TSC1: variants seen among roughly 807,000 people sequenced by gnomAD.
TSC1 encodes the protein TSC complex subunit 1.
Under a neutral mutation model 124.3 loss-of-function variants are expected in TSC1, and 20 were observed. The observed-to-expected ratio is 0.16, with a 90% CI of 0.11 to 0.23. The LOEUF is 0.23. TSC1 is among the 10% of genes least tolerant of loss of function. The probability of loss-of-function intolerance (pLI) is 1.00; values close to 1 mark genes in which losing one functional copy is unlikely to be tolerated. For missense variants in TSC1, 1,124 were observed against 1,448.5 expected, an observed-to-expected ratio of 0.78 and a Z score of 3.64; for synonymous variants, 493 against 539.1, an observed-to-expected ratio of 0.91 and a Z score of 1.19.
chr9:132,897,721 T>G, intron 20 of TSC1, 111 bp from the exon 21 acceptor site: 2 of 1,405,748 alleles, frequency 1.4e-6, no homozygotes, highest in Non-Finnish European at 1.9e-6. Flanking sequence ...TTTAGTATAC[T>G]GATAACAGAA....
At chr9:132,917,698 T>C (rs995516729) in intron 8 of TSC1, among the ~76,000 whole-genome samples, 1 of 152,232 alleles carries the variant, frequency 6.6e-6, no homozygotes, top group Non-Finnish European at 1.5e-5. Flanking sequence ...TCTAAATCTC[T>C]GTTCTGCTCA....
intron 1 of TSC1, among the ~76,000 whole-genome samples, chr9:132,940,459 C>T: frequency 6.6e-6 from 1 of 152,082 alleles, no homozygotes; most frequent in East Asian, 1.9e-4. Flanking sequence ...CAACTGAGTC[C>T]ACACACCTTC....
intron 20 of TSC1, among the ~76,000 whole-genome samples, chr9:132,898,474 C>T (rs370749825): frequency 1.9e-4 from 29 of 152,220 alleles, no homozygotes; most frequent in African/African-American, 6.0e-4. Context: ...TGAGCTTTCA[C>T]GAAGGCGCCC....
intron 8 of TSC1, among the ~76,000 whole-genome samples, chr9:132,918,477 C>T (rs574833961): frequency 6.6e-6 from 1 of 152,294 alleles, no homozygotes; most frequent in African/African-American, 2.4e-5. Context: ...TCCCAAGCAA[C>T]AGCTCTTTTC....
chr9:132,927,772 G>C (rs4962224), intron 3 of TSC1, among the ~76,000 whole-genome samples: 9 of 152,036 alleles, frequency 5.9e-5, no homozygotes, highest in Admixed American at 3.9e-4. Flanking sequence ...TGATCCGCCC[G>C]CCTCGGCCTC....
rs551954460 is a variant in TSC1, at chr9:132,903,767, G to A, written c.2092C>T (p.Leu698=). ...IRTLRDQLLL[L]HNQLLYERFK... is the part of the protein sequence containing the mutation. Reference sequence around the variant, plus strand: ...CGCTCATAGAGTAACTGGTTGTGCAGTAAAAGCAACTGGTCTCGGAGGGTG... The same window carrying A: ...CGCTCATAGAGTAACTGGTTGTGCAATAAAAGCAACTGGTCTCGGAGGGTG... The change falls in exon 17 of 23, where the codon CTG becomes TTG. Residue 698 remains leucine (L), a synonymous_variant. Coordinates refer to ENST00000298552, the MANE Select transcript of TSC1 (RefSeq NM_000368.5). This position sits in a 1 kb window ranked among gnomAD's most constrained non-coding sequence, Gnocchi z 5.9. 2.5e-6 allele frequency: 4 copies of A among 1,614,014 alleles called. No homozygotes were observed. The African/African-American group carries it at 5.3e-5, about 22-fold the overall frequency.
Position 132,903,908 on chromosome 9 carries a change from A to C in TSC1, c.2042-91T>G. The stretch of plus-strand genomic sequence containing the variant: ...CCCATGTGTTGTTAGCTTAACAAAC[A>C]CAATTCTTTAAAAACAAATCACCAC... On this transcript the variant is annotated intron_variant, in intron 16 of 22. Coordinates refer to ENST00000298552, the MANE Select transcript of TSC1 (RefSeq NM_000368.5). This position sits in a 1 kb window ranked among gnomAD's most constrained non-coding sequence, Gnocchi z 5.9. The C allele has an allele frequency of 6.7e-7, 1 of 1,487,226 alleles. No homozygotes were observed. Among genetic ancestry groups the C allele is most frequent in the Non-Finnish European group, 9.3e-7 (1 of 1,077,520 alleles). 92.1% of individuals were successfully genotyped at this position (1,487,226 alleles called of 1,614,324 possible).
At chr9:132,934,019 C>G (rs1201664800) in intron 2 of TSC1, among the ~76,000 whole-genome samples, 1 of 152,218 alleles carries the variant, frequency 6.6e-6, no homozygotes, top group Non-Finnish European at 1.5e-5. Context: ...CGACAGTCTA[C>G]AATTTGTATC....
chr9:132,903,678 T>G lies in TSC1; in HGVS notation c.2181A>C (p.Ala727=), dbSNP rs1588303703. 6.2e-7 allele frequency: 1 copy of G among 1,612,654 alleles called. No homozygotes were observed. The highest frequency in any genetic ancestry group is 8.5e-7 in the Non-Finnish European group (1 of 1,180,014). The change falls in exon 17 of 23, where the codon GCA becomes GCC. Residue 727 remains alanine, a synonymous_variant. Coordinates refer to ENST00000298552, the MANE Select transcript of TSC1 (RefSeq NM_000368.5). This position sits in a 1 kb window ranked among gnomAD's most constrained non-coding sequence, Gnocchi z 5.9. ...TGGCAGCATTATGTTCCTCCAGAGC[T>G]GCTGCTTTGATCACCTTGCGGAGGA... The part of the protein sequence containing the change: ...RRLLRKVIKA[A]ALEEHNAAMK...
chr9:132,922,345 T>C (rs1213124521), intron 6 of TSC1, among the ~76,000 whole-genome samples: 2 of 152,164 alleles, frequency 1.3e-5, no homozygotes, highest in Non-Finnish European at 2.9e-5. Flanking sequence ...ACTTTTCCAT[T>C]GCCGAATTCA....
intron 6 of TSC1, 87 bp from the exon 7 acceptor site, chr9:132,922,060 G>T (rs2132166618): frequency 6.5e-7 from 1 of 1,538,968 alleles, no homozygotes; most frequent in Non-Finnish European, 9.0e-7. Context: ...GCTGCCAGCA[G>T]GACTTTTTAT....
intron 4 of TSC1, chr9:132,925,957 G>A: frequency 5.0e-6 from 3 of 596,426 alleles, no homozygotes; most frequent in Non-Finnish European, 8.8e-6. Flanking sequence ...TGCAGCTCAT[G>A]AAAAAGGACC....
intron 8 of TSC1, among the ~76,000 whole-genome samples, chr9:132,919,801 C>A (rs1846450088): frequency 6.6e-6 from 1 of 152,176 alleles, no homozygotes; most frequent in Non-Finnish European, 1.5e-5. Context: ...AAGAGACAGG[C>A]ATGTCTCAAA....
chr9:132,925,122 G>C (rs1310245950), intron 5 of TSC1: 6 of 171,294 alleles, frequency 3.5e-5, no homozygotes, highest in Admixed American at 3.3e-4. Flanking sequence ...ACTAAATTTA[G>C]TGCAAAAAAT....
At position 132,911,496 on chromosome 9, in the gene TSC1, G is replaced by A. The variant is rs2131977104; in HGVS notation, c.986C>T (p.Thr329Ile). ...CAGCCGTGTCGATGGGGAACTCAGA[G>A]TCTGAGGTAGCTGCCCTGGCATATT... Reference protein sequence around the residue: ...LLNMPGQLPQTLSSPSTRLIT... With the variant: ...LLNMPGQLPQILSSPSTRLIT... The change falls in exon 10 of 23, where the codon ACT (threonine) becomes ATT (isoleucine). Residue 329 changes from threonine to isoleucine, a missense_variant. By Grantham distance (89) the Thr-to-Ile change is moderately conservative. Around this residue, in one of 5 missense-constraint regions of TSC1, gnomAD observed 463 missense variants for 606.8 expected, o/e 0.76. Transcript: ENST00000298552. 6.2e-7 allele frequency: 1 copy of A among 1,613,988 alleles called. No individual in the cohort carries two copies. Among genetic ancestry groups the A allele is most frequent in the Non-Finnish European group, 8.5e-7 (1 of 1,179,962 alleles).
chr9:132,897,564 T>C lies in TSC1; in HGVS notation c.2672A>G (p.Asn891Ser), dbSNP rs1060503203. Residue 891 changes from asparagine (N) to serine (S), a missense_variant, in exon 21 of 23, where the codon AAC (asparagine) becomes AGC (serine). Around this residue, in one of 5 missense-constraint regions of TSC1, gnomAD observed 325 missense variants for 383.4 expected, o/e 0.85. Transcript: ENST00000298552. ...KAAYRKELEK[N>S]RSHVLQQTQR... ...AGTCTGCTGGAGAACATGGCTTCTG[T>C]TTTTTTCTAGCTCTTTCCGATAGGC... 2.5e-6 allele frequency: 4 copies of C among 1,607,256 alleles called. No homozygotes were observed. Among genetic ancestry groups the C allele is most frequent in the Non-Finnish European group, 3.4e-6 (4 of 1,178,490 alleles).
chr9:132,925,822 T>C lies in TSC1; in HGVS notation c.211-83A>G, dbSNP rs1213686215. 3.9e-6 allele frequency: 6 copies of C among 1,539,278 alleles called. No individual in the cohort carries two copies. In the African/African-American group the frequency reaches 6.8e-5, roughly 17 times the overall value. On this transcript the variant is annotated intron_variant, in intron 4 of 22. Transcript: ENST00000298552. The stretch of plus-strand genomic sequence containing the variant: ...TAAAGACAGCAATGATGTGCTCCAA[T>C]CTCTCAAGTCTTGTCTCTAATGTAA...
chr9:132,932,096 G>A (rs1259534288), intron 2 of TSC1, among the ~76,000 whole-genome samples: 2 of 152,186 alleles, frequency 1.3e-5, no homozygotes, highest in Non-Finnish European at 2.9e-5. Flanking sequence ...GACAGCAACT[G>A]GGTGAATGGA....
chr9:132,903,610 A>C lies in TSC1; in HGVS notation c.2208+41T>G, dbSNP rs778742761. 8.7e-6 allele frequency: 14 copies of C among 1,611,638 alleles called. No homozygotes were observed. The Admixed American group carries it at 2.2e-4, about 25-fold the overall frequency. ...AAGCTATCATGCTGACCCAAAACAA[A>C]ACAAAAAGCAAGCTCCACCTGTCCC... On this transcript the variant is annotated intron_variant, in intron 17 of 22. Coordinates refer to ENST00000298552, the MANE Select transcript of TSC1 (RefSeq NM_000368.5). The surrounding 1 kb of genome is among the most constrained non-coding windows in gnomAD (Gnocchi z 5.9).
Sources: gnomAD v4.1 joint callset for allele counts (sites outside exome capture counted in the v4.1 genomes callset) on GRCh38, gnomAD v4.1.1 for gene constraint, gnomAD v4.1.1 regional missense constraint, Gnocchi (gnomAD v3.1) non-coding constraint, MANE v1.5 for transcripts, NCBI Gene and HGNC (gene_info 2026-07-23, HGNC 2026-07-21) for gene names.